WDR19: variants seen among roughly 807,000 people sequenced by gnomAD.
WDR19 encodes the protein WD repeat domain 19.
WDR19 carries 121 observed loss-of-function variants against 180.0 expected under a neutral mutation model. The observed-to-expected ratio is 0.67, with a 90% CI of 0.58 to 0.78. WDR19 has a LOEUF of 0.78. WDR19 is among the 30% of genes least tolerant of loss of function. The probability of loss-of-function intolerance (pLI) is 0.00; values close to 1 mark genes in which losing one functional copy is unlikely to be tolerated. For synonymous variants in WDR19, 497 were observed against 540.7 expected (o/e 0.92, Z 1.12); for missense variants, 1,450 against 1,640.7 (o/e 0.88, Z 2.01).
chr4:39,279,584 C>T (rs1055323286), intron 36 of WDR19, among the ~76,000 whole-genome samples: 17 of 152,220 alleles, frequency 1.1e-4, no homozygotes, highest in Admixed American at 1.0e-3. Flanking sequence ...CTTGCCCTTC[C>T]CTGGCCACTC....
At chr4:39,270,847 TA>T (rs1219385710) in intron 31 of WDR19, among the ~76,000 whole-genome samples, 1 of 151,748 alleles carries the variant, frequency 6.6e-6, no homozygotes, top group Non-Finnish European at 1.5e-5. Flanking sequence ...CATCCAAATA[TA>T]AAAATAATAC....
intron 25 of WDR19, among the ~76,000 whole-genome samples, chr4:39,253,676 G>C (rs1042269624): frequency 6.6e-6 from 1 of 152,034 alleles, no homozygotes; most frequent in African/African-American, 2.4e-5. Context: ...CTACTTGGGA[G>C]GCTGAGGCAG....
At chr4:39,215,700 T>C (rs1728996542) in intron 10 of WDR19, 141 bp from the exon 11 acceptor site, 1 of 824,374 alleles carries the variant, frequency 1.2e-6, no homozygotes, top group African/African-American at 1.7e-5. Context: ...AATTTCCTAG[T>C]CTAAAAAAAA....
At chr4:39,223,840 A>G (rs1484376194) in intron 14 of WDR19, among the ~76,000 whole-genome samples, 1 of 152,222 alleles carries the variant, frequency 6.6e-6, no homozygotes, top group Non-Finnish European at 1.5e-5. Flanking sequence ...CTTCTAGTTT[A>G]TCAGTCTGTA....
At chr4:39,229,852 C>T (rs2109361573) in intron 17 of WDR19, among the ~76,000 whole-genome samples, 1 of 152,256 alleles carries the variant, frequency 6.6e-6, no homozygotes, top group South Asian at 2.1e-4. Flanking sequence ...AAACTGAACT[C>T]ATCAATTTCC....
At chr4:39,225,130 A>G (rs1730116200) in intron 15 of WDR19, 97 bp downstream of exon 15, 2 of 943,320 alleles carry the variant, frequency 2.1e-6, no homozygotes, top group Non-Finnish European at 2.9e-6. Flanking sequence ...TCTATTAATT[A>G]GTGCCAAGGA....
intron 17 of WDR19, 70 bp downstream of exon 17, chr4:39,228,760 T>C: frequency 7.0e-7 from 1 of 1,420,466 alleles, no homozygotes; most frequent in Non-Finnish European, 9.4e-7. Context: ...AATCCTATAA[T>C]TATTCTATCT....
intron 3 of WDR19, 115 bp downstream of exon 3, chr4:39,186,719 A>G (rs2109744156): frequency 5.7e-6 from 4 of 702,690 alleles, no homozygotes; most frequent in East Asian, 3.2e-5. Flanking sequence ...CCATTTGCAA[A>G]GGGATTTGTT....
chr4:39,186,669 C>A, intron 3 of WDR19, 65 bp downstream of exon 3: 2 of 1,119,010 alleles, frequency 1.8e-6, no homozygotes, highest in South Asian at 1.6e-5. Context: ...TAAAAAAATA[C>A]TGCCTTAAAA....
intron 4 of WDR19, among the ~76,000 whole-genome samples, chr4:39,192,026 G>A (rs1726212531): frequency 6.6e-6 from 1 of 152,158 alleles, no homozygotes; most frequent in Non-Finnish European, 1.5e-5. Context: ...GAATAGGGAT[G>A]GAGTCTGTTC....
At chr4:39,205,441 A>C in intron 8 of WDR19, 122 bp from the exon 9 acceptor site, 1 of 1,268,546 alleles carries the variant, frequency 7.9e-7, no homozygotes, top group South Asian at 1.6e-5. Flanking sequence ...TATCTGACAC[A>C]AAGTAGGCCC....
chr4:39,250,112 C>A (rs1252829659), intron 24 of WDR19, among the ~76,000 whole-genome samples: 4 of 151,970 alleles, frequency 2.6e-5, no homozygotes, highest in Non-Finnish European at 1.5e-5. Flanking sequence ...TACTGGCAAA[C>A]CGAATCCAGC....
intron 14 of WDR19, among the ~76,000 whole-genome samples, chr4:39,220,560 A>ATCTTTTTT (rs1729566827): frequency 1.6e-5 from 1 of 64,382 alleles, no homozygotes; most frequent in African/African-American, 7.3e-5. Context: ...GACCTCCTTG[A>ATCTTTTTT]TTTTTTTTTT....
At chr4:39,244,447 T>C in intron 22 of WDR19, 23 bp from the exon 23 acceptor site, 1 of 1,613,882 alleles carries the variant, frequency 6.2e-7, no homozygotes, top group South Asian at 1.1e-5. Flanking sequence ...ACTTAGTATT[T>C]TAATAATCCT....
rs1050438002 is a variant in WDR19 at position 39,203,829 on chromosome 4, T to C, written c.603+107T>C. The C allele has an allele frequency of 1.5e-5, 17 of 1,102,770 alleles. No homozygotes were observed. The African/African-American group carries it at 1.9e-4, about 12-fold the overall frequency. 68.3% of individuals were successfully genotyped at this position (1,102,770 alleles called of 1,614,324 possible). On this transcript the variant is annotated intron_variant, in intron 7 of 36. Transcript: ENST00000399820. ...AATAGTGATAAATAAATTAGGTCCA[T>C]TGACTGTATTTTAAGCCAAGGTAGA...
At chr4:39,275,843 A>T (rs905995457) in intron 33 of WDR19, among the ~76,000 whole-genome samples, 5 of 151,956 alleles carry the variant, frequency 3.3e-5, no homozygotes, top group Middle Eastern at 3.2e-3. Context: ...AGTGTGAGGA[A>T]CTTCATATTC....
intron 15 of WDR19, among the ~76,000 whole-genome samples, chr4:39,225,957 A>G (rs1208426504): frequency 6.6e-6 from 1 of 152,292 alleles, no homozygotes; most frequent in East Asian, 1.9e-4. Context: ...TTCTTAGTCA[A>G]TGCATTCCTC....
At chr4:39,182,764 G>C (rs1396855688) in intron 1 of WDR19, among the ~76,000 whole-genome samples, 4 of 152,084 alleles carry the variant, frequency 2.6e-5, no homozygotes, top group Non-Finnish European at 4.4e-5. Context: ...GGAGAGGAGA[G>C]GGCGGAGAGA....
Position 39,234,774 on chromosome 4 carries a change from G to A in WDR19, c.2262G>A (p.Arg754=), listed in dbSNP as rs976523838. 5 of 1,574,946 alleles carry A rather than the reference G, an allele frequency of 3.2e-6. No individual in the cohort carries two copies. In the South Asian group the frequency reaches 5.8e-5, roughly 18 times the overall value. Residue 754 remains arginine (R), a synonymous_variant, in exon 20 of 37, where the codon AGG becomes AGA. Transcript: ENST00000399820. The part of the protein sequence containing the change: ...SCPIAALEMR[R]DLQHWDSALQ... ...CTTTCTCTTCTTAACAGATGAGAAG[G>A]GATTTACAGCATTGGGACAGTGCTC...
Sources: allele counts gnomAD v4.1 joint callset (sites outside exome capture counted in the v4.1 genomes callset), GRCh38; gene constraint gnomAD v4.1.1; transcripts MANE v1.5; gene names NCBI Gene and HGNC (gene_info 2026-07-23, HGNC 2026-07-21).